Variants in RARA observed in about 807,000 individuals in gnomAD.
RARA encodes the protein retinoic acid receptor alpha, also known as PML-DDX5-RARA fusion.
RARA carries 5 observed loss-of-function variants against 42.8 expected under a neutral mutation model. That is an observed-to-expected ratio of 0.12 (90% CI 0.06 to 0.25). The LOEUF (loss-of-function observed/expected upper bound fraction) is 0.25, where lower values mean the gene tolerates loss of function less well. Ranked by LOEUF, RARA falls within the 10% of genes least tolerant of loss-of-function variation. The probability of loss-of-function intolerance (pLI) is 1.00; values close to 1 mark genes in which losing one functional copy is unlikely to be tolerated. For synonymous variants in RARA, 256 were observed against 259.5 expected, an observed-to-expected ratio of 0.99 and a Z score of 0.13; for missense variants, 402 against 628.7, an observed-to-expected ratio of 0.64 and a Z score of 3.86.
intron 4 of RARA, 37 bp downstream of exon 4, chr17:40,349,962 G>C (rs1183252285): frequency 6.2e-7 from 1 of 1,609,094 alleles, no homozygotes; most frequent in Admixed American, 1.7e-5. Context: ...TCCCGCCTCA[G>C]TTGGGGTCTC....
rs1368134097 is a variant in RARA, at chr17:40,345,800, T to C, written c.179-2516T>C. ...CACTCCACCTGTGTGTGCAGGGAGT[T>C]ATGGCCGTGTCCTAACTCTTGCAGA... On this transcript the variant is annotated intron_variant, in intron 2 of 8. Coordinates refer to ENST00000254066, the MANE Select transcript of RARA (RefSeq NM_000964.4). The surrounding 1 kb of genome is among the most constrained non-coding windows in gnomAD (Gnocchi z 4.8). Among the ~76,000 whole-genome samples the C allele has an allele frequency of 3.9e-5, 6 of 152,180 alleles. No homozygotes were observed. Among genetic ancestry groups the C allele is most frequent in the Non-Finnish European group, 8.8e-5 (6 of 68,026 alleles).
At position 40,357,168 on chromosome 17, in the gene RARA, C is replaced by A; in HGVS notation, c.*942C>A. ...GCAAGGGCCCCGGGACAGAGTTTTCCCAGACCTGGCTCCTCGGCAGAGCTG... is the reference window on the plus strand; with the variant it reads ...GCAAGGGCCCCGGGACAGAGTTTTCACAGACCTGGCTCCTCGGCAGAGCTG... On this transcript the variant is annotated 3_prime_UTR_variant, in exon 9 of 9. Transcript: ENST00000254066. 1 of 238,182 alleles carries A rather than the reference C, an allele frequency of 4.2e-6. No homozygotes were observed. Among genetic ancestry groups the A allele is most frequent in the Non-Finnish European group, 8.3e-6 (1 of 120,942 alleles). The allele number at this position is 238,182 out of a possible 1,614,324, so 14.8% of individuals were successfully genotyped here. A position where few individuals can be genotyped will look rare whatever the true frequency, so the allele number is the denominator to read the frequency against.
intron 1 of RARA, among the ~76,000 whole-genome samples, chr17:40,310,563 A>G (rs2033077702): frequency 6.6e-6 from 1 of 152,088 alleles, no homozygotes; most frequent in South Asian, 2.1e-4. Flanking sequence ...GTTTTAGAGG[A>G]CAGGGTGGAT....
rs118082529 is a variant in RARA at position 40,328,902 on chromosome 17, C to T, written c.-362-1955C>T. On this transcript the variant is annotated intron_variant, in intron 1 of 8. Transcript: ENST00000254066. ...ATGTATAAGTCTTTCTGTGGACTTA[C>T]GTTGTCATATCTCTTGGGTAGATAC... Among the ~76,000 whole-genome samples, 1,445 of 152,286 alleles carry T rather than the reference C, an allele frequency of 9.5e-3. 9 individuals are homozygous for T. Among genetic ancestry groups the T allele is most frequent in the Middle Eastern group, 0.02 (6 of 294 alleles).
intron 2 of RARA, among the ~76,000 whole-genome samples, chr17:40,336,662 A>G (rs960135789): frequency 6.6e-6 from 1 of 151,866 alleles, no homozygotes; most frequent in South Asian, 2.1e-4. Flanking sequence ...TGCTGGGATT[A>G]CAGGCATGAG....
chr17:40,331,800 C>G (rs924967474), intron 2 of RARA, among the ~76,000 whole-genome samples: 4 of 152,170 alleles, frequency 2.6e-5, no homozygotes, highest in African/African-American at 7.2e-5. Flanking sequence ...ACACCACCTA[C>G]GCCCCACCCC....
rs1220464444 is a variant in RARA, at chr17:40,352,416, C to G, written c.716C>G (p.Thr239Ser). 1 of 1,613,890 alleles carries G rather than the reference C, an allele frequency of 6.2e-7. No individual in the cohort carries two copies. The highest frequency in any genetic ancestry group is 1.7e-5 in the Admixed American group (1 of 59,986). ...SELSTKCIIK[T>S]VEFAKQLPGF... ...CTCTCCACCAAGTGCATCATTAAGACTGTGGAGTTCGCCAAGCAGCTGCCC... is the reference window on the plus strand; with the variant it reads ...CTCTCCACCAAGTGCATCATTAAGAGTGTGGAGTTCGCCAAGCAGCTGCCC... Residue 239 changes from threonine to serine, a missense_variant, in exon 6 of 9, where the codon ACT (threonine) becomes AGT (serine). Thr to Ser is a moderately conservative substitution (Grantham distance 58). Around this residue, in one of 5 missense-constraint regions of RARA, gnomAD observed 130 missense variants for 267.9 expected, o/e 0.49. Coordinates refer to ENST00000254066, the MANE Select transcript of RARA (RefSeq NM_000964.4). The surrounding 1 kb of genome is among the most constrained non-coding windows in gnomAD (Gnocchi z 4.9).
At position 40,348,425 on chromosome 17, in the gene RARA, A is replaced by T. The variant is rs2034338232; in HGVS notation, c.288A>T (p.Ser96=). 1 of 1,613,620 alleles carries T rather than the reference A, an allele frequency of 6.2e-7. No individual in the cohort carries two copies. The highest frequency in any genetic ancestry group is 8.5e-7 in the Non-Finnish European group (1 of 1,179,762). The change falls in exon 3 of 9, where the codon TCA becomes TCT. Residue 96 remains serine (S), a synonymous_variant. Transcript: ENST00000254066. Reference sequence around the variant, plus strand: ...GCTTTGTCTGTCAGGACAAGTCCTCAGGCTACCACTATGGGGTCAGCGCCT... The same window carrying T: ...GCTTTGTCTGTCAGGACAAGTCCTCTGGCTACCACTATGGGGTCAGCGCCT... ...KPCFVCQDKS[S]GYHYGVSACE...
rs2034075265 is a variant in RARA at position 40,342,097 on chromosome 17, G to A, written c.179-6219G>A. The A allele has an allele frequency of 1.6e-5, 17 of 1,053,868 alleles. 1 individual carries two copies. In the South Asian group the frequency reaches 6.7e-4, roughly 42 times the overall value. The allele number at this position is 1,053,868 out of a possible 1,614,324, so 65.3% of individuals were successfully genotyped here. On this transcript the variant is annotated intron_variant, in intron 2 of 8. Transcript: ENST00000254066. ...GCCAGGGGCGGTGCCTGGACGGGGC[G>A]GGGCGGTGGAAAGGGGGTGGTGCCC...
In RARA at chr17:40,352,209, G is replaced by C. The variant is rs1021252597; in HGVS notation, c.631-122G>C. 1 of 1,497,936 alleles carries C rather than the reference G, an allele frequency of 6.7e-7. No individual in the cohort carries two copies. The highest frequency in any genetic ancestry group is 8.8e-7 in the Non-Finnish European group (1 of 1,130,214). The allele number at this position is 1,497,936 out of a possible 1,614,324, so 92.8% of individuals were successfully genotyped here. ...CCCCTCTCTTCTCCCTCCTCCTGCT[G>C]CCTCTTCCCAAGGAGCTCCCAGGAA... is the stretch of plus-strand genomic sequence containing the variant. On this transcript the variant is annotated intron_variant, in intron 5 of 8. Coordinates refer to ENST00000254066, the MANE Select transcript of RARA (RefSeq NM_000964.4). This position sits in a 1 kb window ranked among gnomAD's most constrained non-coding sequence, Gnocchi z 4.9.
chr17:40,310,264 T>A (rs992444649), intron 1 of RARA, among the ~76,000 whole-genome samples: 3 of 152,120 alleles, frequency 2.0e-5, no homozygotes, highest in African/African-American at 7.2e-5. Context: ...TCTCCTGTGG[T>A]GGGCAGACAG....
At position 40,331,005 on chromosome 17, in the gene RARA, T is replaced by A. The variant is rs1598550227; in HGVS notation, c.-214T>A. The A allele has an allele frequency of 1.5e-5, 8 of 533,654 alleles. No individual in the cohort carries two copies. The East Asian group carries it at 2.6e-4, about 18-fold the overall frequency. The allele number at this position is 533,654 out of a possible 1,614,324, so 33.1% of individuals were successfully genotyped here. On this transcript the variant is annotated 5_prime_UTR_variant, in exon 2 of 9. Transcript: ENST00000254066. ...GACCAAAGGACCGGCTCTTGAGACA[T>A]CCCCCAACCCACCTGGCCCCCAGCT...
chr17:40,342,471 A>T, intron 2 of RARA: 1 of 1,227,768 alleles, frequency 8.1e-7, no homozygotes, highest in Admixed American at 4.3e-5. Context: ...GAGCCGACGG[A>T]CCCCCCCTCC....
Position 40,354,609 on chromosome 17 carries a change from G to T in RARA, c.1012+103G>T. On this transcript the variant is annotated intron_variant, in intron 7 of 8. Transcript: ENST00000254066. The surrounding 1 kb of genome is among the most constrained non-coding windows in gnomAD (Gnocchi z 4.5). ...AGGCCACCTCTGTTAGGTATCTCTA[G>T]AGGGCAGGGTCTGGTCTGCAACTAC... The T allele has an allele frequency of 7.3e-7, 1 of 1,368,502 alleles. No individual in the cohort carries two copies. Among genetic ancestry groups the T allele is most frequent in the Non-Finnish European group, 9.9e-7 (1 of 1,005,766 alleles). The allele number at this position is 1,368,502 out of a possible 1,614,324, so 84.8% of individuals were successfully genotyped here.
chr17:40,324,041 C>T (rs1361768131), intron 1 of RARA, among the ~76,000 whole-genome samples: 1 of 152,016 alleles, frequency 6.6e-6, no homozygotes, highest in Non-Finnish European at 1.5e-5. Flanking sequence ...TGTAAGCTGT[C>T]CCCCCATTGT....
In RARA at chr17:40,354,254, G is replaced by A. The variant is rs771014643; in HGVS notation, c.808-48G>A. ...GCGGAGTGCTGGTGCCGAGTGCTCAGAGTGGGTTCGGGTTCAGTCCCTGAA... is the reference window on the plus strand; with the variant it reads ...GCGGAGTGCTGGTGCCGAGTGCTCAAAGTGGGTTCGGGTTCAGTCCCTGAA... On this transcript the variant is annotated intron_variant, in intron 6 of 8. Coordinates refer to ENST00000254066, the MANE Select transcript of RARA (RefSeq NM_000964.4). The surrounding 1 kb of genome is among the most constrained non-coding windows in gnomAD (Gnocchi z 4.5). The A allele has an allele frequency of 6.3e-7, 1 of 1,583,674 alleles. No individual in the cohort carries two copies. Among genetic ancestry groups the A allele is most frequent in the South Asian group, 1.1e-5 (1 of 89,788 alleles).
At chr17:40,334,257 G>T (rs1206611919) in intron 2 of RARA, among the ~76,000 whole-genome samples, 8 of 152,190 alleles carry the variant, frequency 5.3e-5, no homozygotes, top group Admixed American at 4.6e-4. Flanking sequence ...TCAGGCAAGT[G>T]TAGCCTTCTT....
At chr17:40,315,383 T>C (rs1357615300) in intron 1 of RARA, among the ~76,000 whole-genome samples, 1 of 151,744 alleles carries the variant, frequency 6.6e-6, no homozygotes, top group East Asian at 1.9e-4. Flanking sequence ...ACAAGCTGTA[T>C]GACGTTGAGG....
chr17:40,349,996 G>T, intron 4 of RARA, 71 bp downstream of exon 4: 1 of 1,580,842 alleles, frequency 6.3e-7, no homozygotes, highest in South Asian at 1.2e-5. Context: ...GACCAAGGGA[G>T]CAGGGCTCTG....
Sources: allele counts gnomAD v4.1 joint callset (sites outside exome capture counted in the v4.1 genomes callset), GRCh38; gene constraint gnomAD v4.1.1; regional missense constraint gnomAD v4.1.1; non-coding constraint Gnocchi (gnomAD v3.1); transcripts MANE v1.5; gene names NCBI Gene and HGNC (gene_info 2026-07-23, HGNC 2026-07-21).